The following FBN1 variants were observed in gnomAD, a reference collection of about 807,000 sequenced individuals.
FBN1 encodes fibrillin-1.
In FBN1, 29 loss-of-function variants were observed where a neutral mutation model predicts 365.1. The observed-to-expected ratio is 0.08, with a 90% CI of 0.06 to 0.11. The LOEUF is 0.11. Among genes scored for constraint, FBN1 ranks in the 10% least tolerant of loss-of-function variants. The pLI, the probability that FBN1 is intolerant of heterozygous loss-of-function variation, is 1.00. For missense variants in FBN1, 2,476 were observed against 3,703.2 expected, an observed-to-expected ratio of 0.67 and a Z score of 8.60; for synonymous variants, 1,210 against 1,270.5, an observed-to-expected ratio of 0.95 and a Z score of 1.01.
At chr15:48,436,042 G>C (rs990013707) in intron 53 of FBN1, among the ~76,000 whole-genome samples, 6 of 152,094 alleles carry the variant, frequency 3.9e-5, no homozygotes, top group African/African-American at 1.2e-4. Context: ...CCTAGGCGAA[G>C]AGGCTCATTT....
intron 4 of FBN1, among the ~76,000 whole-genome samples, chr15:48,610,009 C>T (rs935589536): frequency 2.0e-5 from 3 of 152,024 alleles, no homozygotes; most frequent in Non-Finnish European, 4.4e-5. Context: ...TCTTACAGGA[C>T]AAAAAGAAAC....
intron 2 of FBN1, among the ~76,000 whole-genome samples, chr15:48,634,429 G>A (rs1331639422): frequency 5.3e-5 from 8 of 152,020 alleles, no homozygotes; most frequent in South Asian, 2.1e-4. Flanking sequence ...CAATGCTGCC[G>A]GGAGTGAAGG....
At chr15:48,427,537 G>C (rs967019504) in intron 58 of FBN1, 30 bp downstream of exon 58, 8 of 1,591,630 alleles carry the variant, frequency 5.0e-6, no homozygotes, top group Admixed American at 3.3e-5. Flanking sequence ...TAGATTCCCT[G>C]CAAGTATTTT....
intron 63 of FBN1, among the ~76,000 whole-genome samples, chr15:48,418,788 A>G (rs995406293): frequency 6.6e-6 from 1 of 152,098 alleles, no homozygotes; most frequent in Non-Finnish European, 1.5e-5. Flanking sequence ...GAAACCCACC[A>G]CTCTGTCCTC....
Position 48,495,604 on chromosome 15 carries a change from G to A in FBN1, c.2420-16C>T. 1.2e-6 allele frequency: 2 copies of A among 1,613,988 alleles called. No homozygotes were observed. The highest frequency in any genetic ancestry group is 1.7e-6 in the Non-Finnish European group (2 of 1,179,970). ...TCATCAATGTCTGAAACAAAAACAG[G>A]TCTACATTACTGCTAAAATCTAGTC... On this transcript the variant is annotated splice_polypyrimidine_tract_variant and intron_variant, in intron 20 of 65. Transcript: ENST00000316623.
At chr15:48,533,014 T>C (rs2043986160) in intron 8 of FBN1, among the ~76,000 whole-genome samples, 1 of 152,158 alleles carries the variant, frequency 6.6e-6, no homozygotes, top group Non-Finnish European at 1.5e-5. Flanking sequence ...TCAGGGCAAG[T>C]AGATATTAAA....
At chr15:48,596,181 G>T in intron 6 of FBN1, 102 bp downstream of exon 6, 1 of 1,040,692 alleles carries the variant, frequency 9.6e-7, no homozygotes, top group Non-Finnish European at 1.5e-6. Flanking sequence ...TCAAAGCTCA[G>T]CAACATTCAG....
intron 6 of FBN1, among the ~76,000 whole-genome samples, chr15:48,594,041 G>A (rs1052623145): frequency 3.3e-5 from 5 of 152,058 alleles, no homozygotes; most frequent in South Asian, 2.1e-4. Flanking sequence ...GTCCTGACTC[G>A]GTATCAGATT....
chr15:48,537,898 C>A, intron 6 of FBN1, 90 bp from the exon 7 acceptor site: 4 of 1,295,112 alleles, frequency 3.1e-6, no homozygotes, highest in South Asian at 1.2e-5. Flanking sequence ...TGCTTGACTC[C>A]AAATTGAGAA....
intron 38 of FBN1, among the ~76,000 whole-genome samples, chr15:48,467,684 G>A (rs767179598): frequency 2.0e-5 from 3 of 152,148 alleles, no homozygotes; most frequent in Non-Finnish European, 2.9e-5. Flanking sequence ...ACCCTAGTCT[G>A]GAAAATCTTT....
At chr15:48,428,308 G>C (rs1300748510) in intron 57 of FBN1, 38 bp downstream of exon 57, 6 of 1,611,982 alleles carry the variant, frequency 3.7e-6, no homozygotes, top group Non-Finnish European at 4.2e-6. Context: ...CCAGTGTGGA[G>C]GCTGAGGTTA....
At chr15:48,623,976 C>CAT (rs925341532) in intron 2 of FBN1, among the ~76,000 whole-genome samples, 1 of 151,340 alleles carries the variant, frequency 6.6e-6, no homozygotes, top group Non-Finnish European at 1.5e-5. Context: ...CAAACACACA[C>CAT]ACACACACAC....
chr15:48,497,136 G>C, intron 19 of FBN1, 130 bp downstream of exon 19: 1 of 1,022,486 alleles, frequency 9.8e-7, no homozygotes, highest in Non-Finnish European at 1.5e-6. Flanking sequence ...TATATGCTGT[G>C]CTAACATCCG....
At chr15:48,587,138 G>A (rs916554927) in intron 6 of FBN1, among the ~76,000 whole-genome samples, 6 of 152,136 alleles carry the variant, frequency 3.9e-5, no homozygotes, top group African/African-American at 7.2e-5. Flanking sequence ...TTGGCACATC[G>A]TCGGGACCAT....
At position 48,465,797 on chromosome 15, in the gene FBN1, T is replaced by C. The variant is rs754580003; in HGVS notation, c.4809A>G (p.Ile1603Met). The C allele has an allele frequency of 9.9e-6, 16 of 1,613,772 alleles. No individual in the cohort carries two copies. The highest frequency in any genetic ancestry group is 1.3e-5 in the Non-Finnish European group (15 of 1,179,654). ...CAAAGGAAACACAATTACCTTCCAA[T>C]ATAACGGTGATAGGATTTGGTCGGA... Reference protein sequence around the residue: ...EGFRPNPITVILEDIDECQEL... With the variant: ...EGFRPNPITVMLEDIDECQEL... Residue 1603 changes from isoleucine to methionine, a missense_variant, in exon 39 of 66, where the codon ATA becomes ATG. Ile to Met is a conservative substitution (Grantham distance 10, BLOSUM62 1). Transcript: ENST00000316623.
chr15:48,455,836 AG>A (rs2043234037), intron 44 of FBN1, among the ~76,000 whole-genome samples: 1 of 152,152 alleles, frequency 6.6e-6, no homozygotes, highest in African/African-American at 2.4e-5. Context: ...TAGACAAAAA[AG>A]TTTTTTTTTT....
intron 6 of FBN1, among the ~76,000 whole-genome samples, chr15:48,568,038 A>AAAGAAAGAAAGAAAG (rs2044272094): frequency 1.1e-5 from 1 of 91,676 alleles, no homozygotes; most frequent in Non-Finnish European, 2.0e-5. Context: ...AGAAAGAAAG[A>AAAGAAAGAAAGAAAG]AAGAAAGAAA....
At chr15:48,521,773 A>C (rs2043857732) in intron 9 of FBN1, among the ~76,000 whole-genome samples, 1 of 152,248 alleles carries the variant, frequency 6.6e-6, no homozygotes, top group Non-Finnish European at 1.5e-5. Flanking sequence ...ACCTCTCTTC[A>C]AGTAAACTAT....
chr15:48,613,657 G>A (rs1398739749), intron 2 of FBN1, among the ~76,000 whole-genome samples: 1 of 152,174 alleles, frequency 6.6e-6, no homozygotes, highest in Non-Finnish European at 1.5e-5. Context: ...GCCAGGCGCG[G>A]TGGCTCACGC....
Sources: gnomAD v4.1 joint callset for allele counts (sites outside exome capture counted in the v4.1 genomes callset) on GRCh38, gnomAD v4.1.1 for gene constraint, MANE v1.5 for transcripts, NCBI Gene and HGNC (gene_info 2026-07-23, HGNC 2026-07-21) for gene names.